Variants in ABCA6 observed in about 807,000 individuals in gnomAD.
The protein encoded by ABCA6 is ATP binding cassette subfamily A member 6, also known as ATP-binding cassette sub-family A member 6.
ABCA6 carries 164 observed loss-of-function variants against 191.2 expected under a neutral mutation model. The observed-to-expected ratio is 0.86, with a 90% CI of 0.76 to 0.98. The LOEUF (loss-of-function observed/expected upper bound fraction) is 0.98. Ranked by LOEUF, ABCA6 falls within the 50% of genes least tolerant of loss-of-function variation. ABCA6 has a pLI of 0.00. For synonymous variants in ABCA6, 636 were observed against 647.7 expected (o/e 0.98, Z 0.27); for missense variants, 1,958 against 1,894.1 (o/e 1.03, Z -0.63).
chr17:69,104,563 T>C (rs78382373), intron 20 of ABCA6: 1 of 150,356 alleles, frequency 6.7e-6, no homozygotes, highest in African/African-American at 2.5e-5. Flanking sequence ...ACTCTTACTG[T>C]GATTTTTTTT....
chr17:69,130,613 C>T (rs764635583), intron 6 of ABCA6, among the ~76,000 whole-genome samples: 2 of 152,104 alleles, frequency 1.3e-5, no homozygotes, highest in Non-Finnish European at 2.9e-5. Flanking sequence ...ATTACAATGC[C>T]AAGAACATTC....
chr17:69,089,990 T>G (rs1298574136), intron 26 of ABCA6, among the ~76,000 whole-genome samples: 1 of 152,194 alleles, frequency 6.6e-6, no homozygotes, highest in Non-Finnish European at 1.5e-5. Context: ...CCCATAATGA[T>G]AATTAGTTCC....
intron 17 of ABCA6, chr17:69,110,472 T>C (rs563606506): frequency 4.2e-6 from 1 of 240,142 alleles, no homozygotes; most frequent in South Asian, 6.0e-5. Context: ...TACTCACCCC[T>C]CTGGTGACAA....
intron 20 of ABCA6, chr17:69,104,107 A>T (rs1338195920): frequency 6.6e-6 from 1 of 152,034 alleles, no homozygotes; most frequent in Non-Finnish European, 1.5e-5. Context: ...GCAATGCCAT[A>T]TGGTGACCCA....
chr17:69,133,542 C>T lies in ABCA6; in HGVS notation c.791+99G>A, dbSNP rs954089758. 6.5e-5 allele frequency: 57 copies of T among 877,374 alleles called. No individual in the cohort carries two copies. In the Admixed American group the frequency reaches 1.0e-3, roughly 16 times the overall value. 54.3% of individuals were successfully genotyped at this position (877,374 alleles called of 1,614,324 possible). A position where few individuals can be genotyped will look rare whatever the true frequency, so the allele number is the denominator to read the frequency against. ...AGAACAAAAGAAAAAGTAGCCAATG[C>T]ATCAAGTTTAAACCATGATGCTCTG... is the stretch of plus-strand genomic sequence containing the variant. On this transcript the variant is annotated intron_variant, in intron 6 of 38. Transcript: ENST00000284425.
chr17:69,096,060 C>T (rs912956019), intron 25 of ABCA6, among the ~76,000 whole-genome samples, 180 bp downstream of exon 25: 2 of 152,142 alleles, frequency 1.3e-5, no homozygotes, highest in Non-Finnish European at 2.9e-5. Context: ...TGGGTAGCAC[C>T]TGATTTCTTT....
At position 69,140,663 on chromosome 17, in the gene ABCA6, G is replaced by C. The variant is rs1475599269; in HGVS notation, c.41C>G (p.Ala14Gly). 1 of 1,600,474 alleles carries C rather than the reference G, an allele frequency of 6.2e-7. No individual in the cohort carries two copies. ...CTTAAGAAAATTCTTGCACAGAAGT[G>C]CTTTGGTTTGCTGATACACGCTTTT... ...KQKSVYQQTKALLCKNFLKKW... is the reference protein window; with the variant it reads ...KQKSVYQQTKGLLCKNFLKKW... The change falls in exon 2 of 39, where the codon GCA (alanine) becomes GGA (glycine). Residue 14 changes from alanine to glycine, a missense_variant. Physicochemically the swap from Ala to Gly is moderately conservative, Grantham distance 60. Transcript: ENST00000284425.
In ABCA6 at chr17:69,078,940, G is replaced by T. The variant is rs754340234; in HGVS notation, c.*33C>A. The T allele has an allele frequency of 7.4e-7, 1 of 1,360,538 alleles. No individual in the cohort carries two copies. Among genetic ancestry groups the T allele is most frequent in the South Asian group, 1.3e-5 (1 of 79,570 alleles). 84.3% of individuals were successfully genotyped at this position (1,360,538 alleles called of 1,614,324 possible). A position where few individuals can be genotyped will look rare whatever the true frequency, so the allele number is the denominator to read the frequency against. On this transcript the variant is annotated 3_prime_UTR_variant, in exon 39 of 39. Coordinates refer to ENST00000284425, the MANE Select transcript of ABCA6 (RefSeq NM_080284.3). ...TTATTACATAAAACATGAGTTTATAGGAGATCAACAAAAAATTACTAGGTT... is the reference window on the plus strand; with the variant it reads ...TTATTACATAAAACATGAGTTTATATGAGATCAACAAAAAATTACTAGGTT...
rs2072774171 is a variant in ABCA6, at chr17:69,085,843, A to G, written c.3938-127T>C. On this transcript the variant is annotated intron_variant, in intron 30 of 38. Transcript: ENST00000284425. ...AGTACCATTTTGAGATTGATAACATATATGTAATCCACGTCACCAAAGCAT... is the reference window on the plus strand; with the variant it reads ...AGTACCATTTTGAGATTGATAACATGTATGTAATCCACGTCACCAAAGCAT... 7.7e-6 allele frequency: 5 copies of G among 650,026 alleles called. No individual in the cohort carries two copies. The South Asian group carries it at 9.3e-5, about 12-fold the overall frequency. The allele number at this position is 650,026 out of a possible 1,614,324, so 40.3% of individuals were successfully genotyped here.
intron 2 of ABCA6, among the ~76,000 whole-genome samples, chr17:69,139,577 C>T (rs1178479993): frequency 1.3e-5 from 2 of 152,070 alleles, no homozygotes; most frequent in African/African-American, 2.4e-5. Context: ...TACCATTTGA[C>T]CCAGCCATCT....
chr17:69,137,702 G>C (rs1023853241), intron 2 of ABCA6, among the ~76,000 whole-genome samples: 1 of 152,030 alleles, frequency 6.6e-6, no homozygotes, highest in Non-Finnish European at 1.5e-5. Context: ...TCTAATACTA[G>C]AACAAAACTT....
At chr17:69,113,815 G>A in intron 13 of ABCA6, 78 bp from the exon 14 acceptor site, 1 of 1,308,444 alleles carries the variant, frequency 7.6e-7, no homozygotes. Flanking sequence ...ATGAAAAAAT[G>A]CTCATCATCA....
chr17:69,085,265 G>C, intron 31 of ABCA6, 83 bp from the exon 32 acceptor site: 1 of 1,348,238 alleles, frequency 7.4e-7, no homozygotes, highest in Admixed American at 2.9e-5. Context: ...ATATATAAGC[G>C]TCTAAATTGT....
At chr17:69,100,511 T>C (rs551608853) in intron 22 of ABCA6, among the ~76,000 whole-genome samples, 26 of 152,274 alleles carry the variant, frequency 1.7e-4, no homozygotes, top group African/African-American at 6.0e-4. Flanking sequence ...TTCTTTTTTC[T>C]GTTTCTCTTT....
At chr17:69,083,176 T>A in intron 35 of ABCA6, 36 bp downstream of exon 35, 2 of 1,566,742 alleles carry the variant, frequency 1.3e-6, no homozygotes, top group South Asian at 1.2e-5. Context: ...AAATCTCATT[T>A]TGAGCATCAA....
At chr17:69,107,673 G>C in intron 18 of ABCA6, 23 bp downstream of exon 18, 2 of 1,470,160 alleles carry the variant, frequency 1.4e-6, no homozygotes, top group Non-Finnish European at 1.9e-6. Context: ...TTGGTTTTCT[G>C]TGAATTATAC....
intron 6 of ABCA6, among the ~76,000 whole-genome samples, chr17:69,130,334 G>A (rs558954777): frequency 2.6e-5 from 4 of 151,654 alleles, no homozygotes; most frequent in African/African-American, 4.8e-5. Context: ...AAAAAAGGAT[G>A]CCAAAATTAA....
At chr17:69,125,072 A>G in intron 8 of ABCA6, 37 bp from the exon 9 acceptor site, 1 of 1,106,058 alleles carries the variant, frequency 9.0e-7, no homozygotes, top group South Asian at 2.9e-5. Context: ...GTTTAAAATA[A>G]ATAAATAAAT....
intron 6 of ABCA6, among the ~76,000 whole-genome samples, chr17:69,132,049 T>G (rs2073872679): frequency 6.6e-6 from 1 of 152,108 alleles, no homozygotes; most frequent in South Asian, 2.1e-4. Context: ...CAGGTTCCTC[T>G]TTTTCTATCT....
Sources: allele counts gnomAD v4.1 joint callset (sites outside exome capture counted in the v4.1 genomes callset), GRCh38; gene constraint gnomAD v4.1.1; transcripts MANE v1.5; gene names NCBI Gene and HGNC (gene_info 2026-07-23, HGNC 2026-07-21).